Variants in THSD4 observed in about 807,000 individuals in gnomAD.
The protein encoded by THSD4 is thrombospondin type 1 domain containing 4, also known as thrombospondin type-1 domain-containing protein 4.
In THSD4, 69 loss-of-function variants were observed where a neutral mutation model predicts 119.0. The observed-to-expected ratio is 0.58, with a 90% CI of 0.48 to 0.71. The LOEUF (loss-of-function observed/expected upper bound fraction) is 0.71, where lower values mean the gene tolerates loss of function less well. Among genes scored for constraint, THSD4 ranks in the 30% least tolerant of loss-of-function variants. The pLI is 0.00. For synonymous variants in THSD4, 524 were observed against 540.4 expected (o/e 0.97, Z 0.42); for missense variants, 1,393 against 1,391.1 (o/e 1.00, Z -0.02).
intron 4 of THSD4, among the ~76,000 whole-genome samples, chr15:71,235,779 T>C (rs1992501): frequency 1 from 151,920 of 152,140 alleles, 75,850 homozygotes; most frequent in Middle Eastern, 1. Flanking sequence ...TTAGTAGAGA[T>C]GGGGTTTTGC....
At chr15:71,208,755 AC>A (rs1481028360) in intron 3 of THSD4, among the ~76,000 whole-genome samples, 1 of 151,728 alleles carries the variant, frequency 6.6e-6, no homozygotes, top group Non-Finnish European at 1.5e-5. Flanking sequence ...CAAATTATCC[AC>A]CCACCTCAGC....
At chr15:71,593,537 C>T (rs2049848909) in intron 7 of THSD4, among the ~76,000 whole-genome samples, 2 of 151,692 alleles carry the variant, frequency 1.3e-5, no homozygotes, top group Admixed American at 6.6e-5. Context: ...GACAGTGTGA[C>T]AAGGCAGGAT....
chr15:71,200,295 T>C (rs1026993573), intron 3 of THSD4, among the ~76,000 whole-genome samples: 1 of 152,014 alleles, frequency 6.6e-6, no homozygotes, highest in Non-Finnish European at 1.5e-5. Context: ...GGGAGGGTGG[T>C]GGATGGAGCA....
intron 6 of THSD4, among the ~76,000 whole-genome samples, chr15:71,384,918 A>C (rs1410490173): frequency 6.6e-6 from 1 of 152,202 alleles, no homozygotes; most frequent in African/African-American, 2.4e-5. Flanking sequence ...AGATCCCCTT[A>C]ACCAGCTTAG....
intron 3 of THSD4, among the ~76,000 whole-genome samples, chr15:71,183,723 T>TCTATTGTCATGGGTA (rs11268098): frequency 0.85 from 128,485 of 151,270 alleles, 58,162 homozygotes; most frequent in East Asian, 1. Context: ...GTACTTTCCT[T>TCTATTGTCATGGGTA]CTATCTACCC....
At position 71,470,637 on chromosome 15, in the gene THSD4, T is replaced by A. The variant is rs867211883; in HGVS notation, c.1152+58814T>A. ...GGCTGAGTGAGGATTTTATTATTTTTTTTTTTTTTGAGACGGAGTCTCGCT... is the reference window on the plus strand; with the variant it reads ...GGCTGAGTGAGGATTTTATTATTTTATTTTTTTTTGAGACGGAGTCTCGCT... On this transcript the variant is annotated intron_variant, in intron 7 of 17. Transcript: ENST00000261862. Among the ~76,000 whole-genome samples the A allele has an allele frequency of 2.6e-3, 398 of 152,046 alleles. 2 individuals carry two copies. Among genetic ancestry groups the A allele is most frequent in the African/African-American group, 9.0e-3 (372 of 41,500 alleles).
At chr15:71,128,584 G>C (rs1304880646) in intron 1 of THSD4, among the ~76,000 whole-genome samples, 1 of 149,736 alleles carries the variant, frequency 6.7e-6, no homozygotes, top group Non-Finnish European at 1.5e-5. Context: ...TGAAGACAAA[G>C]GAGGAGGAAA....
chr15:71,688,373 C>T (rs1287373665), intron 8 of THSD4, among the ~76,000 whole-genome samples: 1 of 152,202 alleles, frequency 6.6e-6, no homozygotes, highest in Non-Finnish European at 1.5e-5. Context: ...CATTTACATG[C>T]TCCAGTGAAT....
chr15:71,467,892 C>T (rs183863615), intron 7 of THSD4, among the ~76,000 whole-genome samples: 154 of 151,422 alleles, frequency 1.0e-3, no homozygotes, highest in African/African-American at 3.3e-3. Flanking sequence ...TCTTGTCGCC[C>T]AGCTGCAGTG....
At position 71,463,496 on chromosome 15, in the gene THSD4, G is replaced by A. The variant is rs542290784; in HGVS notation, c.1152+51673G>A. 1.2e-3 allele frequency among the ~76,000 whole-genome samples: 187 copies of A among 152,260 alleles called. 1 individual carries two copies. The highest frequency in any genetic ancestry group is 4.0e-3 in the African/African-American group (165 of 41,550). ...AATTTCCTGAAAGACTTTGCTAAATGCCTGATTAATCAATACATTCTGGGT... is the reference window on the plus strand; with the variant it reads ...AATTTCCTGAAAGACTTTGCTAAATACCTGATTAATCAATACATTCTGGGT... On this transcript the variant is annotated intron_variant, in intron 7 of 17. Transcript: ENST00000261862.
intron 3 of THSD4, among the ~76,000 whole-genome samples, chr15:71,173,886 T>C (rs372484117): frequency 2.0e-5 from 3 of 152,104 alleles, no homozygotes; most frequent in East Asian, 3.9e-4. Context: ...TTTTTGACAA[T>C]GGTGCCAAGA....
chr15:71,670,136 G>A (rs2051493731), intron 8 of THSD4, among the ~76,000 whole-genome samples: 1 of 151,930 alleles, frequency 6.6e-6, no homozygotes, highest in Non-Finnish European at 1.5e-5. Flanking sequence ...CAGTGTGCAG[G>A]TTTGTTACAT....
chr15:71,289,458 C>G (rs1217742899), intron 6 of THSD4, among the ~76,000 whole-genome samples: 1 of 152,168 alleles, frequency 6.6e-6, no homozygotes, highest in Non-Finnish European at 1.5e-5. Context: ...GCCGCACTCT[C>G]CATTGCTCTC....
chr15:71,608,237 A>AAAATAT (rs537013275), intron 7 of THSD4, among the ~76,000 whole-genome samples: 36 of 111,588 alleles, frequency 3.2e-4, no homozygotes, highest in East Asian at 2.6e-3. Flanking sequence ...AAAAAAAAAA[A>AAAATAT]ATATATATAT....
intron 7 of THSD4, among the ~76,000 whole-genome samples, chr15:71,626,239 G>A (rs898076646): frequency 3.9e-5 from 6 of 151,914 alleles, no homozygotes; most frequent in East Asian, 1.9e-4. Flanking sequence ...GATTTTATTC[G>A]GTTTTCTAAG....
In THSD4 at chr15:71,770,346, TAAAA is replaced by T. The variant is rs71131707; in HGVS notation, c.2770-699_2770-696del. Among the ~76,000 whole-genome samples the T allele has an allele frequency of 1.1e-3, 137 of 127,458 alleles. 1 individual carries two copies. The highest frequency in any genetic ancestry group is 3.2e-3 in the African/African-American group (105 of 32,672). The allele number at this position is 127,458 out of a possible 152,430, so 83.6% of individuals were successfully genotyped here. A position where few individuals can be genotyped will look rare whatever the true frequency, so the allele number is the denominator to read the frequency against. ...GTATGAATAAATATGATATGTCCTTTAAAAAAAAAAAAAAAAAAAAAATCTTGGC... is the reference window on the plus strand; with the variant it reads ...GTATGAATAAATATGATATGTCCTTTAAAAAAAAAAAAAAAAAATCTTGGC... On this transcript the variant is annotated intron_variant, in intron 16 of 17. Transcript: ENST00000261862.
chr15:71,615,975 A>G (rs1217745472), intron 7 of THSD4, among the ~76,000 whole-genome samples: 2 of 152,208 alleles, frequency 1.3e-5, no homozygotes, highest in Admixed American at 6.5e-5. Flanking sequence ...GCTCCTTGAG[A>G]GCAGAAATTG....
chr15:71,562,863 C>T (rs767109789), intron 7 of THSD4, among the ~76,000 whole-genome samples: 12 of 152,006 alleles, frequency 7.9e-5, no homozygotes, highest in Non-Finnish European at 5.9e-5. Flanking sequence ...CCACCATGCT[C>T]GGCTAATTTT....
chr15:71,336,255 G>C lies in THSD4; in HGVS notation c.1016-75432G>C, dbSNP rs2045488714. On this transcript the variant is annotated intron_variant, in intron 6 of 17. Transcript: ENST00000261862. ...TACAACCTTGGTCTGAGTGGTGAGGGCCCAAAGATACAGGGAAGGAAGTGG... is the reference window on the plus strand; with the variant it reads ...TACAACCTTGGTCTGAGTGGTGAGGCCCCAAAGATACAGGGAAGGAAGTGG... Among the ~76,000 whole-genome samples, 3 of 152,292 alleles carry C rather than the reference G, an allele frequency of 2.0e-5. 1 individual carries two copies. The South Asian group carries it at 6.2e-4, about 32-fold the overall frequency.
Sources: allele counts gnomAD v4.1 joint callset (sites outside exome capture counted in the v4.1 genomes callset), GRCh38; gene constraint gnomAD v4.1.1; transcripts MANE v1.5; gene names NCBI Gene and HGNC (gene_info 2026-07-23, HGNC 2026-07-21).